Variants in ANKRD44 observed in about 807,000 individuals in gnomAD.
ANKRD44 encodes the protein serine/threonine-protein phosphatase 6 regulatory ankyrin repeat subunit B.
ANKRD44 carries 35 observed loss-of-function variants against 116.0 expected under a neutral mutation model. The observed-to-expected ratio is 0.30, with a 90% confidence interval of 0.23 to 0.40. The LOEUF is 0.40. Among genes scored for constraint, ANKRD44 ranks in the 10% least tolerant of loss-of-function variants. The pLI is 1.00. For synonymous variants in ANKRD44, 435 were observed against 461.8 expected (o/e 0.94, Z 0.74); for missense variants, 1,014 against 1,242.6 (o/e 0.82, Z 2.77).
At chr2:196,992,105 AACCTTTATCCT>A (rs1259397457) in intron 27 of ANKRD44, among the ~76,000 whole-genome samples, 1 of 152,198 alleles carries the variant, frequency 6.6e-6, no homozygotes, top group African/African-American at 2.4e-5. Context: ...TTCCTTATCC[AACCTTTATCCT>A]ACTGGCCTGA....
At chr2:197,233,033 T>C (rs2081902397) in intron 1 of ANKRD44, among the ~76,000 whole-genome samples, 1 of 152,224 alleles carries the variant, frequency 6.6e-6, no homozygotes, top group Non-Finnish European at 1.5e-5. Flanking sequence ...CTGGTAACTG[T>C]ACAAAATATG....
rs908694806 is a variant in ANKRD44, at chr2:197,262,522, G to A, written c.27+48056C>T. ...TTAAGGCATATGGATTTGTGCTAAC[G>A]GAAATTCCACGTAAAAATTTCAACC... On this transcript the variant is annotated intron_variant, in intron 1 of 27. Transcript: ENST00000282272. 5.9e-5 allele frequency among the ~76,000 whole-genome samples: 9 copies of A among 152,130 alleles called. No homozygotes were observed. In the South Asian group the frequency reaches 8.3e-4, roughly 14 times the overall value.
intron 1 of ANKRD44, among the ~76,000 whole-genome samples, chr2:197,239,651 G>A (rs2082048911): frequency 6.6e-6 from 1 of 152,230 alleles, no homozygotes. Flanking sequence ...AACTGTCACT[G>A]AGTTCTGCAA....
chr2:197,303,768 C>T (rs532936810), intron 1 of ANKRD44, among the ~76,000 whole-genome samples: 3 of 152,288 alleles, frequency 2.0e-5, no homozygotes, highest in East Asian at 1.9e-4. Context: ...ATTTGCTTAG[C>T]TCACTTTATA....
intron 1 of ANKRD44, among the ~76,000 whole-genome samples, chr2:197,214,045 A>C (rs34466996): frequency 0.018 from 2,755 of 152,310 alleles, 38 homozygotes; most frequent in Non-Finnish European, 0.028. Flanking sequence ...GAATAAGATG[A>C]AGGTAGCAAC....
chr2:197,278,040 C>A (rs2083142329), intron 1 of ANKRD44, among the ~76,000 whole-genome samples: 1 of 152,096 alleles, frequency 6.6e-6, no homozygotes, highest in African/African-American at 2.4e-5. Context: ...TCTGCTTAAT[C>A]AATTCCCACC....
At chr2:196,982,092 T>C (rs2075804756), downstream of ANKRD44, among the ~76,000 whole-genome samples, 1 of 65,582 alleles carries the variant, frequency 1.5e-5, no homozygotes, top group African/African-American at 5.2e-5. Context: ...TTCTCATTTG[T>C]CAATACTAAA....
chr2:197,186,062 A>G (rs977774608), intron 2 of ANKRD44, among the ~76,000 whole-genome samples: 6 of 152,186 alleles, frequency 3.9e-5, no homozygotes, highest in African/African-American at 7.2e-5. Flanking sequence ...ATTTCAGGTC[A>G]TTTTCATGTG....
At chr2:196,991,301 G>A (rs1433939457) in intron 27 of ANKRD44, among the ~76,000 whole-genome samples, 2 of 152,122 alleles carry the variant, frequency 1.3e-5, no homozygotes, top group Non-Finnish European at 2.9e-5. Context: ...TTCCGCCTGA[G>A]AGCACACACA....
At chr2:197,133,543 G>A (rs2079139763) in intron 4 of ANKRD44, among the ~76,000 whole-genome samples, 3 of 152,292 alleles carry the variant, frequency 2.0e-5, no homozygotes, top group South Asian at 4.1e-4. Context: ...AATAGGCTTT[G>A]AGGACAGACA....
chr2:197,224,548 T>G (rs1424705462), intron 1 of ANKRD44, among the ~76,000 whole-genome samples: 2 of 152,226 alleles, frequency 1.3e-5, no homozygotes, highest in African/African-American at 2.4e-5. Context: ...TAGAGAATTG[T>G]CTTTTTTCCC....
intron 16 of ANKRD44, among the ~76,000 whole-genome samples, chr2:197,068,395 A>G (rs200134148): frequency 0.21 from 5,786 of 27,914 alleles, 161 homozygotes; most frequent in Middle Eastern, 0.35. Flanking sequence ...AATAAAAAAA[A>G]AATAAAAATA....
rs565114684 is a variant in ANKRD44, at chr2:197,227,041, G to T, written c.28-39935C>A. ...GTCAGGACAACCATATCACCCTGTG[G>T]GCTGGAACACACCTCCCTCCTGCCA... On this transcript the variant is annotated intron_variant, in intron 1 of 27. Coordinates refer to ENST00000282272, the MANE Select transcript of ANKRD44 (RefSeq NM_001195144.2). Among the ~76,000 whole-genome samples, 134 of 152,170 alleles carry T rather than the reference G, an allele frequency of 8.8e-4. 1 individual carries two copies. The highest frequency in any genetic ancestry group is 7.9e-3 in the Admixed American group (121 of 15,278).
chr2:196,982,113 T>TATATATATATATATATATATATAC (rs2075805975), downstream of ANKRD44, among the ~76,000 whole-genome samples: 1 of 119,658 alleles, frequency 8.4e-6, no homozygotes, highest in South Asian at 2.8e-4. Context: ...AAAAATTATA[T>TATATATATATATATATATATATAC]ATATATATAT....
At chr2:197,034,050 TAGAGAGAGAGAGAGAG>T in intron 16 of ANKRD44, among the ~76,000 whole-genome samples, 1 of 110,662 alleles carries the variant, frequency 9.0e-6, no homozygotes, top group South Asian at 3.8e-4. Flanking sequence ...ATATGAGGGC[TAGAGAGAGAGAGAGAG>T]AGAGAGAGAG....
chr2:197,112,984 TTG>T (rs2078625743), intron 8 of ANKRD44, among the ~76,000 whole-genome samples: 1 of 37,278 alleles, frequency 2.7e-5, no homozygotes, highest in African/African-American at 5.9e-5. Flanking sequence ...TTCATCTTAA[TTG>T]AAAAAAAAAA....
At position 196,993,641 on chromosome 2, in the gene ANKRD44, C is replaced by A. The variant is rs987290542; in HGVS notation, c.2865G>T (p.Lys955Asn). Residue 955 changes from lysine (K) to asparagine (N), a missense_variant, in exon 27 of 28, where the codon AAG (lysine) becomes AAT (asparagine). Coordinates refer to ENST00000282272, the MANE Select transcript of ANKRD44 (RefSeq NM_001195144.2). Reference sequence around the variant, plus strand: ...TGGCCAGCAACTCCTCAACTACCACCTTTAAGCCATTGCGCGCAGCGACGT... The same window carrying A: ...TGGCCAGCAACTCCTCAACTACCACATTTAAGCCATTGCGCGCAGCGACGT... Reference protein sequence around the residue: ...PLHVAARNGLKVVVEELLAKG... With the variant: ...PLHVAARNGLNVVVEELLAKG... 6.4e-7 allele frequency: 1 copy of A among 1,551,102 alleles called. No individual in the cohort carries two copies.
At chr2:197,047,718 T>C (rs1343512380) in intron 16 of ANKRD44, among the ~76,000 whole-genome samples, 1 of 152,118 alleles carries the variant, frequency 6.6e-6, no homozygotes, top group East Asian at 1.9e-4. Context: ...AAGACCATCC[T>C]GGCCAACATG....
Position 197,011,083 on chromosome 2 carries a change from C to A in ANKRD44, c.1925-2052G>T, listed in dbSNP as rs138900743. Among the ~76,000 whole-genome samples the A allele has an allele frequency of 3.1e-3, 476 of 152,276 alleles. 2 individuals are homozygous for A. Among genetic ancestry groups the A allele is most frequent in the African/African-American group, 0.011 (449 of 41,550 alleles). ...TTGGAGTACAGGTAATATGTCGTTG[C>A]TGCTGCTGTTATGTTTTTTGTTCTT... On this transcript the variant is annotated intron_variant, in intron 18 of 27. Transcript: ENST00000282272.
Sources: gnomAD v4.1 joint callset for allele counts (sites outside exome capture counted in the v4.1 genomes callset) on GRCh38, gnomAD v4.1.1 for gene constraint, MANE v1.5 for transcripts, NCBI Gene and HGNC (gene_info 2026-07-23, HGNC 2026-07-21) for gene names.